CDH11: variants seen among roughly 807,000 people sequenced by gnomAD.
CDH11 encodes the protein cadherin-11.
CDH11 carries 11 observed loss-of-function variants against 67.8 expected under a neutral mutation model. That is an observed-to-expected ratio of 0.16 (90% CI 0.10 to 0.27). The LOEUF is 0.27. CDH11 is among the 10% of genes least tolerant of loss of function. The probability of loss-of-function intolerance (pLI) is 1.00; values close to 1 mark genes in which losing one functional copy is unlikely to be tolerated. For missense variants in CDH11, 847 were observed against 1,031.2 expected (o/e 0.82, Z 2.45); for synonymous variants, 419 against 400.0 (o/e 1.05, Z -0.57).
rs200272504 is a variant in CDH11 at position 64,991,859 on chromosome 16, G to A, written c.720C>T (p.Asp240=). 1.8e-4 allele frequency: 294 copies of A among 1,613,854 alleles called. No homozygotes were observed. The highest frequency in any genetic ancestry group is 1.3e-3 in the Middle Eastern group (8 of 6,062). ...EEYHVVIQAK[D]MGGHMGGLSG... The stretch of plus-strand genomic sequence containing the variant: ...AGAGTCCGCCCATATGTCCACCCAT[G>A]TCCTTGGCCTGGATCACCACGTGGT... The change falls in exon 6 of 13, where the codon GAC becomes GAT. Residue 240 remains aspartate (D), a synonymous_variant. Transcript: ENST00000268603.
intron 12 of CDH11, chr16:64,948,487 G>T: frequency 1.2e-6 from 1 of 864,840 alleles, no homozygotes; most frequent in Non-Finnish European, 1.9e-6. Context: ...GTTTTTCCAA[G>T]GTTTAAAAAT....
At chr16:65,112,654 C>T (rs1053878114) in intron 1 of CDH11, among the ~76,000 whole-genome samples, 3 of 152,180 alleles carry the variant, frequency 2.0e-5, no homozygotes, top group Non-Finnish European at 4.4e-5. Flanking sequence ...AAAGTGTCCT[C>T]TATAGGCTTG....
At chr16:65,072,110 C>A (rs2074428389) in intron 1 of CDH11, 1 of 152,376 alleles carries the variant, frequency 6.6e-6, no homozygotes, top group Non-Finnish European at 1.5e-5. Context: ...CAGGCAGATT[C>A]CAGCCTTGGC....
chr16:64,961,054 A>T (rs2071660489), intron 11 of CDH11, among the ~76,000 whole-genome samples: 1 of 152,054 alleles, frequency 6.6e-6, no homozygotes, highest in African/African-American at 2.4e-5. Context: ...ATTTATATTC[A>T]CTGTGAAAGC....
In CDH11 at chr16:65,005,843, G is replaced by A. The variant is rs182640949; in HGVS notation, c.-172-802C>T. ...AGGAGAAGGAAAATAAAACAAAACA[G>A]TATATCCAACCAACCAGCCCAAGGT... On this transcript the variant is annotated intron_variant, in intron 2 of 12. Coordinates refer to ENST00000268603, the MANE Select transcript of CDH11 (RefSeq NM_001797.4). Among the ~76,000 whole-genome samples the A allele has an allele frequency of 2.2e-4, 33 of 152,280 alleles. 1 individual carries two copies. Among genetic ancestry groups the A allele is most frequent in the Non-Finnish European group, 4.4e-5 (3 of 68,014 alleles).
In CDH11 at chr16:64,997,336, T is replaced by TAAACAAAC. The variant is rs1555516742; in HGVS notation, c.523+1218_523+1225dup. 2.5e-5 allele frequency among the ~76,000 whole-genome samples: 3 copies of TAAACAAAC among 120,052 alleles called. No individual in the cohort carries two copies. The South Asian group carries it at 7.5e-4, about 30-fold the overall frequency. 78.8% of individuals were successfully genotyped at this position (120,052 alleles called of 152,430 possible). ...ATAAATAAATAAATAAATAAATAAA[T>TAAACAAAC]AAACAAACCTGCACATGTACCCCCT... On this transcript the variant is annotated intron_variant, in intron 4 of 12. Transcript: ENST00000268603.
chr16:65,021,062 T>G (rs2073413333), intron 2 of CDH11, among the ~76,000 whole-genome samples: 2 of 151,476 alleles, frequency 1.3e-5, no homozygotes, highest in Non-Finnish European at 2.9e-5. Context: ...CATTGGGAGG[T>G]GGGGACATTT....
intron 11 of CDH11, among the ~76,000 whole-genome samples, chr16:64,963,243 G>A (rs1329126522): frequency 6.6e-6 from 1 of 152,184 alleles, no homozygotes; most frequent in African/African-American, 2.4e-5. Flanking sequence ...AATGTAAGCA[G>A]AGAGATGGAA....
At chr16:64,979,524 T>G (rs529817011) in intron 8 of CDH11, among the ~76,000 whole-genome samples, 1 of 152,166 alleles carries the variant, frequency 6.6e-6, no homozygotes, top group African/African-American at 2.4e-5. Context: ...ACTATAATGA[T>G]ATATCATTTC....
intron 1 of CDH11, among the ~76,000 whole-genome samples, chr16:65,094,158 T>C (rs2074843100): frequency 6.6e-6 from 1 of 152,120 alleles, no homozygotes; most frequent in Non-Finnish European, 1.5e-5. Context: ...GAAAGTGGGA[T>C]GAAGGGAAAG....
intron 2 of CDH11, among the ~76,000 whole-genome samples, chr16:65,043,104 T>C (rs2073894030): frequency 6.6e-6 from 1 of 152,176 alleles, no homozygotes; most frequent in South Asian, 2.1e-4. Flanking sequence ...GCCTTCAGAG[T>C]AGAAGTAATT....
rs879244499 is a variant in CDH11 at position 64,972,939 on chromosome 16, G to T, written c.1355C>A (p.Ala452Asp). Reference protein sequence around the residue: ...TTKPLDREETAWLNITVFAAE... With the variant: ...TTKPLDREETDWLNITVFAAE... ...TGCAAAGACAGTGATGTTGAGCCAG[G>T]CTGTTTCCTCTCTATCCAGAGGTTT... Residue 452 changes from alanine (A) to aspartate (D), a missense_variant, in exon 9 of 13, where the codon GCC (alanine) becomes GAC (aspartate). By Grantham distance (126) the Ala-to-Asp change is moderately radical. Coordinates refer to ENST00000268603, the MANE Select transcript of CDH11 (RefSeq NM_001797.4). The T allele has an allele frequency of 6.2e-7, 1 of 1,613,672 alleles. No homozygotes were observed. The highest frequency in any genetic ancestry group is 8.5e-7 in the Non-Finnish European group (1 of 1,179,804).
chr16:64,967,528 A>C (rs550409727), intron 11 of CDH11, among the ~76,000 whole-genome samples: 1 of 152,324 alleles, frequency 6.6e-6, no homozygotes, highest in South Asian at 2.1e-4. Flanking sequence ...TATTTGGCGA[A>C]GGTGTGGAAA....
At chr16:65,108,842 A>T (rs1463157503) in intron 1 of CDH11, among the ~76,000 whole-genome samples, 1 of 152,114 alleles carries the variant, frequency 6.6e-6, no homozygotes, top group Non-Finnish European at 1.5e-5. Flanking sequence ...CCAGGCAGGG[A>T]TTACCACATA....
Position 64,947,656 on chromosome 16 carries a change from T to G in CDH11, c.2338A>C (p.Lys780Gln), listed in dbSNP as rs1291731901. The change falls in exon 13 of 13, where the codon AAG (lysine) becomes CAG (glutamine). Residue 780 changes from lysine to glutamine, a missense_variant. Coordinates refer to ENST00000268603, the MANE Select transcript of CDH11 (RefSeq NM_001797.4). ...GAACCATACAAATCTGCTAGTTTCTTAAAACGAGGTCCCCAGTTCTGTAGA... is the reference window on the plus strand; with the variant it reads ...GAACCATACAAATCTGCTAGTTTCTGAAAACGAGGTCCCCAGTTCTGTAGA... ...DYLQNWGPRF[K>Q]KLADLYGSKD... The G allele has an allele frequency of 1.2e-6, 2 of 1,613,996 alleles. No individual in the cohort carries two copies. Among genetic ancestry groups the G allele is most frequent in the East Asian group, 4.5e-5 (2 of 44,886 alleles).
chr16:65,114,058 A>G (rs1375483448), intron 1 of CDH11, among the ~76,000 whole-genome samples: 2 of 152,200 alleles, frequency 1.3e-5, no homozygotes, highest in African/African-American at 4.8e-5. Context: ...GAAAGTTACC[A>G]TAAAGGTTAT....
chr16:64,989,421 C>T (rs1311126116), intron 6 of CDH11, among the ~76,000 whole-genome samples: 2 of 151,934 alleles, frequency 1.3e-5, no homozygotes, highest in African/African-American at 2.4e-5. Context: ...ATTGGTTTTG[C>T]GTAGTGTGGT....
At chr16:65,014,806 G>A (rs570408290) in intron 2 of CDH11, among the ~76,000 whole-genome samples, 102 of 152,154 alleles carry the variant, frequency 6.7e-4, no homozygotes, top group South Asian at 1.9e-3. Context: ...TGCTATTCCT[G>A]GCCTTAACAG....
rs145309083 is a variant in CDH11 at position 65,022,766 on chromosome 16, C to T, written c.-172-17725G>A. Among the ~76,000 whole-genome samples, 1,041 of 152,202 alleles carry T rather than the reference C, an allele frequency of 6.8e-3. 4 individuals are homozygous for T. The highest frequency in any genetic ancestry group is 0.01 in the Non-Finnish European group (692 of 68,022). ...AGGAATCAGCCAACAATATCAAATG[C>T]TGAAAAAAACAGAGTACCCAAGTAC... On this transcript the variant is annotated intron_variant, in intron 2 of 12. Transcript: ENST00000268603.
Sources: allele counts gnomAD v4.1 joint callset (sites outside exome capture counted in the v4.1 genomes callset), GRCh38; gene constraint gnomAD v4.1.1; transcripts MANE v1.5; gene names NCBI Gene and HGNC (gene_info 2026-07-23, HGNC 2026-07-21).